Variants in PDE2A observed in about 807,000 individuals in gnomAD.
PDE2A encodes phosphodiesterase 2A.
PDE2A carries 53 observed loss-of-function variants against 133.6 expected under a neutral mutation model. The observed-to-expected ratio is 0.40, with a 90% CI of 0.32 to 0.50. The LOEUF (loss-of-function observed/expected upper bound fraction) is 0.50. Ranked by LOEUF, PDE2A falls within the 20% of genes least tolerant of loss-of-function variation. PDE2A has a pLI of 0.73. For missense variants in PDE2A, 796 were observed against 1,232.4 expected (o/e 0.65, Z 5.30); for synonymous variants, 491 against 490.2 (o/e 1.00, Z -0.02).
intron 1 of PDE2A, among the ~76,000 whole-genome samples, chr11:72,664,636 G>A (rs1156516565): frequency 6.6e-6 from 1 of 151,846 alleles, no homozygotes; most frequent in East Asian, 1.9e-4. Context: ...GCCTCCCAAA[G>A]TACTGGGATT....
chr11:72,620,568 A>G (rs1346852525), intron 2 of PDE2A, among the ~76,000 whole-genome samples: 1 of 152,180 alleles, frequency 6.6e-6, no homozygotes, highest in Non-Finnish European at 1.5e-5. Flanking sequence ...GGCTCCTGAA[A>G]GGAGCCCAAG....
intron 16 of PDE2A, 197 bp from the exon 17 acceptor site, chr11:72,585,141 C>T (rs1855906989): frequency 6.3e-6 from 4 of 634,522 alleles, no homozygotes; most frequent in Non-Finnish European, 1.1e-5. Flanking sequence ...GAAGCACCTA[C>T]TATGTGCCAG....
chr11:72,579,388 GGC>G lies in PDE2A; in HGVS notation c.2257-7_2257-6del, dbSNP rs766105000. The G allele has an allele frequency of 6.2e-7, 1 of 1,611,722 alleles. No individual in the cohort carries two copies. The highest frequency in any genetic ancestry group is 8.5e-7 in the Non-Finnish European group (1 of 1,178,242). Reference sequence around the variant, plus strand: ...ATCCAGCATGCGCTGATAGTCCTGAGGCGAGGGCAGGGGTGTCATGCCCTCCT... The same window carrying G: ...ATCCAGCATGCGCTGATAGTCCTGAGGAGGGCAGGGGTGTCATGCCCTCCT... On this transcript the variant is annotated splice_polypyrimidine_tract_variant and splice_region_variant and intron_variant, in intron 26 of 30. Coordinates refer to ENST00000334456, the MANE Select transcript of PDE2A (RefSeq NM_002599.5).
At chr11:72,595,637 G>A (rs1486981194) in intron 6 of PDE2A, among the ~76,000 whole-genome samples, 1 of 152,010 alleles carries the variant, frequency 6.6e-6, no homozygotes, top group Non-Finnish European at 1.5e-5. Flanking sequence ...CTGGAGAGGA[G>A]TCCCCGGGGA....
intron 4 of PDE2A, chr11:72,599,003 A>T: frequency 1.0e-6 from 1 of 985,364 alleles, no homozygotes; most frequent in Non-Finnish European, 1.2e-6. Flanking sequence ...CTGATGATTA[A>T]ACTGATGAAG....
Position 72,671,052 on chromosome 11 carries a change from G to C in PDE2A, c.71+3085C>G, listed in dbSNP as rs114295065. ...CCTTTCCTACCCACCTTCACAAACT[G>C]TTCCCTCTGCTCTTCCCTGCCTGGG... On this transcript the variant is annotated intron_variant, in intron 1 of 30. Transcript: ENST00000334456. 1.9e-3 allele frequency among the ~76,000 whole-genome samples: 296 copies of C among 152,222 alleles called. 1 individual carries two copies. The highest frequency in any genetic ancestry group is 7.0e-3 in the African/African-American group (290 of 41,528).
chr11:72,598,381 G>A (rs1856582455), intron 4 of PDE2A: 1 of 539,458 alleles, frequency 1.9e-6, no homozygotes. Flanking sequence ...GGGTATGACA[G>A]TGGCAGAGGG....
At position 72,590,334 on chromosome 11, in the gene PDE2A, C is replaced by G. The variant is rs1474140004; in HGVS notation, c.704-90G>C. On this transcript the variant is annotated intron_variant, in intron 8 of 30. Coordinates refer to ENST00000334456, the MANE Select transcript of PDE2A (RefSeq NM_002599.5). This position sits in a 1 kb window ranked among gnomAD's most constrained non-coding sequence, Gnocchi z 4.8. ...GCGCCGCTCAGCTCCGCGCCGGGCC[C>G]GCCGCCGGCTCCCGGGATCGCCTAA... The G allele has an allele frequency of 1.3e-6, 2 of 1,539,618 alleles. No individual in the cohort carries two copies. Among genetic ancestry groups the G allele is most frequent in the South Asian group, 1.2e-5 (1 of 83,750 alleles).
At chr11:72,671,625 G>A (rs939872766) in intron 1 of PDE2A, among the ~76,000 whole-genome samples, 1 of 152,150 alleles carries the variant, frequency 6.6e-6, no homozygotes, top group African/African-American at 2.4e-5. Flanking sequence ...ACTGCGGGGG[G>A]TGGGGGTGCA....
At chr11:72,642,402 G>T (rs991017987) in intron 1 of PDE2A, 76 bp from the exon 2 acceptor site, 22 of 1,284,204 alleles carry the variant, frequency 1.7e-5, no homozygotes, top group Non-Finnish European at 2.1e-5. Flanking sequence ...CCCGCCCGCC[G>T]GCCCGGCCGC....
intron 1 of PDE2A, among the ~76,000 whole-genome samples, chr11:72,665,232 C>T (rs1855199683): frequency 6.6e-6 from 1 of 152,092 alleles, no homozygotes; most frequent in Admixed American, 6.5e-5. Flanking sequence ...TCTCCTCTGC[C>T]CCAACCAGAG....
In PDE2A at chr11:72,669,902, C is replaced by T. The variant is rs149106674; in HGVS notation, c.71+4235G>A. On this transcript the variant is annotated intron_variant, in intron 1 of 30. Transcript: ENST00000334456. ...CCTCAGCAAGCTCTGGTCACGAGCA[C>T]CAGGAGAGACCAAGAAGTTGCAAAC... Among the ~76,000 whole-genome samples the T allele has an allele frequency of 2.0e-4, 31 of 152,280 alleles. No individual in the cohort carries two copies. The East Asian group carries it at 2.7e-3, about 13-fold the overall frequency.
At chr11:72,645,553 G>A (rs746181040) in intron 1 of PDE2A, among the ~76,000 whole-genome samples, 1 of 152,140 alleles carries the variant, frequency 6.6e-6, no homozygotes, top group Non-Finnish European at 1.5e-5. Flanking sequence ...CCTGTTCTGG[G>A]TTCTCACCCT....
At chr11:72,653,648 C>T (rs556070515) in intron 1 of PDE2A, among the ~76,000 whole-genome samples, 25 of 152,228 alleles carry the variant, frequency 1.6e-4, no homozygotes, top group East Asian at 3.9e-4. Context: ...GACTCGGACG[C>T]GGAGACAGAC....
At position 72,590,565 on chromosome 11, in the gene PDE2A, G is replaced by A. The variant is rs1423350664; in HGVS notation, c.565C>T (p.Arg189Trp). The change falls in exon 8 of 31, where the codon CGG (arginine) becomes TGG (tryptophan). Residue 189 changes from arginine to tryptophan, a missense_variant. This residue lies in a region of PDE2A where 417 missense variants were observed against 475.3 expected (regional missense o/e 0.88). Coordinates refer to ENST00000334456, the MANE Select transcript of PDE2A (RefSeq NM_002599.5). The surrounding 1 kb of genome is among the most constrained non-coding windows in gnomAD (Gnocchi z 4.8). Reference protein sequence around the residue: ...AVEKHTLVALRRVQVLQQRGP... With the variant: ...AVEKHTLVALWRVQVLQQRGP... Reference sequence around the variant, plus strand: ...CGCTGCTGCAGGACCTGCACCCTCCGCAGGGCGACCAGGGTCTGGGGCAGG... The same window carrying A: ...CGCTGCTGCAGGACCTGCACCCTCCACAGGGCGACCAGGGTCTGGGGCAGG... The A allele has an allele frequency of 7.2e-7, 1 of 1,387,020 alleles. No homozygotes were observed. The highest frequency in any genetic ancestry group is 9.3e-7 in the Non-Finnish European group (1 of 1,075,880). 85.9% of individuals were successfully genotyped at this position (1,387,020 alleles called of 1,614,324 possible). A position where few individuals can be genotyped will look rare whatever the true frequency, so the allele number is the denominator to read the frequency against.
At chr11:72,653,047 T>C (rs932158112) in intron 1 of PDE2A, among the ~76,000 whole-genome samples, 2 of 152,232 alleles carry the variant, frequency 1.3e-5, no homozygotes, top group Non-Finnish European at 2.9e-5. Context: ...GCATTCTGTT[T>C]CTAAGCACCC....
rs770846021 is a variant in PDE2A, at chr11:72,612,274, TCCACACACACACAC to T, written c.145-3537_145-3524del. 6.6e-3 allele frequency among the ~76,000 whole-genome samples: 740 copies of T among 112,900 alleles called. 6 individuals are homozygous for T. Among genetic ancestry groups the T allele is most frequent in the African/African-American group, 0.026 (701 of 26,458 alleles). The allele number at this position is 112,900 out of a possible 152,430, so 74.1% of individuals were successfully genotyped here. A position where few individuals can be genotyped will look rare whatever the true frequency, so the allele number is the denominator to read the frequency against. ...GTTGCACTTAGACATGCACATCACATCCACACACACACACACACACACACACACACACACACACA... is the reference window on the plus strand; with the variant it reads ...GTTGCACTTAGACATGCACATCACATACACACACACACACACACACACACA... On this transcript the variant is annotated intron_variant, in intron 2 of 30. Coordinates refer to ENST00000334456, the MANE Select transcript of PDE2A (RefSeq NM_002599.5).
At chr11:72,640,333 C>A (rs1197007120) in intron 2 of PDE2A, among the ~76,000 whole-genome samples, 4 of 152,024 alleles carry the variant, frequency 2.6e-5, no homozygotes, top group Non-Finnish European at 4.4e-5. Flanking sequence ...GCACACACAG[C>A]CCCTCAGCAT....
chr11:72,630,148 C>T (rs142498285), intron 2 of PDE2A, among the ~76,000 whole-genome samples: 1 of 152,074 alleles, frequency 6.6e-6, no homozygotes, highest in African/African-American at 2.4e-5. Context: ...GGGGATGGCA[C>T]CCCTCGCAGG....
Sources: gnomAD v4.1 joint callset for allele counts (sites outside exome capture counted in the v4.1 genomes callset) on GRCh38, gnomAD v4.1.1 for gene constraint, gnomAD v4.1.1 regional missense constraint, Gnocchi (gnomAD v3.1) non-coding constraint, MANE v1.5 for transcripts, NCBI Gene and HGNC (gene_info 2026-07-23, HGNC 2026-07-21) for gene names.